DRC11: variants seen among roughly 807,000 people sequenced by gnomAD.
DRC11 encodes the protein dynein regulatory complex subunit 11.
the DRC11 span, among the ~76,000 whole-genome samples, chr2:236,375,317 G>A: frequency 6.6e-6 from 1 of 152,110 alleles, no homozygotes; most frequent in Non-Finnish European, 1.5e-5. This position sits in a 1 kb window ranked among gnomAD's most constrained non-coding sequence, Gnocchi z 4.2. Context: ...TAGTTGAGAA[G>A]TCAGTCCGCA....
At chr2:236,349,704 C>T in the DRC11 span, among the ~76,000 whole-genome samples, 1 of 152,198 alleles carries the variant, frequency 6.6e-6, no homozygotes, top group Admixed American at 6.5e-5. The surrounding 1 kb of genome is among the most constrained non-coding windows in gnomAD (Gnocchi z 5.5). Flanking sequence ...AAGGGAACAG[C>T]AGGCACTGGG....
At chr2:236,385,020 ATC>A in the DRC11 span, among the ~76,000 whole-genome samples, 624 of 152,078 alleles carry the variant, frequency 4.1e-3, 3 homozygotes, top group Non-Finnish European at 4.8e-3. Flanking sequence ...ATTGATCTAT[ATC>A]TCTGTTTTGG....
At chr2:236,448,438 C>T in the DRC11 span, among the ~76,000 whole-genome samples, 4 of 151,532 alleles carry the variant, frequency 2.6e-5, no homozygotes, top group Non-Finnish European at 4.4e-5. The surrounding 1 kb of genome is among the most constrained non-coding windows in gnomAD (Gnocchi z 5.3). Flanking sequence ...AGTGCAGAGG[C>T]GATTCTCCTG....
chr2:236,416,733 A>ATATATATATATATATTTT, the DRC11 span, among the ~76,000 whole-genome samples: 1 of 46,850 alleles, frequency 2.1e-5, no homozygotes, highest in Non-Finnish European at 4.3e-5. Flanking sequence ...ATATATATAT[A>ATATATATATATATATTTT]TATATATATA....
the DRC11 span, among the ~76,000 whole-genome samples, chr2:236,334,013 T>A: frequency 6.6e-6 from 1 of 152,148 alleles, no homozygotes; most frequent in African/African-American, 2.4e-5. The surrounding 1 kb of genome is among the most constrained non-coding windows in gnomAD (Gnocchi z 7.8). Context: ...TCGGTCAAGA[T>A]TCCTCTGAAT....
chr2:236,453,287 T>C, the DRC11 span, among the ~76,000 whole-genome samples: 4 of 152,296 alleles, frequency 2.6e-5, no homozygotes, highest in African/African-American at 9.6e-5. This position sits in a 1 kb window ranked among gnomAD's most constrained non-coding sequence, Gnocchi z 4.9. Flanking sequence ...CAAGAGTGAG[T>C]TGAAGAAAAG....
chr2:236,337,946 C>T, the DRC11 span, among the ~76,000 whole-genome samples: 27 of 152,320 alleles, frequency 1.8e-4, no homozygotes, highest in South Asian at 5.6e-3. The surrounding 1 kb of genome is among the most constrained non-coding windows in gnomAD (Gnocchi z 4.9). Context: ...TTGTCACTGT[C>T]AGGGCCAGAA....
At chr2:236,353,224 A>G in the DRC11 span, among the ~76,000 whole-genome samples, 3 of 152,220 alleles carry the variant, frequency 2.0e-5, no homozygotes, top group African/African-American at 2.4e-5. This position sits in a 1 kb window ranked among gnomAD's most constrained non-coding sequence, Gnocchi z 5.0. Flanking sequence ...CGGGTAGTTC[A>G]CGTCACCTGC....
the DRC11 span, among the ~76,000 whole-genome samples, chr2:236,396,302 C>CGG: frequency 0.034 from 2,073 of 60,202 alleles, 58 homozygotes; most frequent in African/African-American, 0.081. Context: ...GAAAGAGGGG[C>CGG]GGGGGGGGGT....
chr2:236,484,940 CT>C, the DRC11 span, among the ~76,000 whole-genome samples: 1 of 152,202 alleles, frequency 6.6e-6, no homozygotes, highest in Non-Finnish European at 1.5e-5. Context: ...GGGGCCCTCC[CT>C]TTATTCTTTA....
At chr2:236,458,196 T>A in the DRC11 span, among the ~76,000 whole-genome samples, 4 of 152,196 alleles carry the variant, frequency 2.6e-5, no homozygotes, top group African/African-American at 9.6e-5. Context: ...CATCAGTGTT[T>A]GCTTGATGAA....
the DRC11 span, among the ~76,000 whole-genome samples, chr2:236,359,144 G>A: frequency 6.6e-5 from 10 of 152,156 alleles, no homozygotes; most frequent in South Asian, 2.1e-4. This position sits in a 1 kb window ranked among gnomAD's most constrained non-coding sequence, Gnocchi z 4.3. Flanking sequence ...GATCTGGGTC[G>A]AGGGTCCTCT....
At chr2:236,416,268 G>A in the DRC11 span, among the ~76,000 whole-genome samples, 1 of 152,174 alleles carries the variant, frequency 6.6e-6, no homozygotes, top group Non-Finnish European at 1.5e-5. Context: ...AGGGGGCTGG[G>A]CTTTGGTACT....
At chr2:236,308,400 G>A in the DRC11 span, among the ~76,000 whole-genome samples, 3 of 152,242 alleles carry the variant, frequency 2.0e-5, no homozygotes, top group Admixed American at 6.5e-5. The surrounding 1 kb of genome is among the most constrained non-coding windows in gnomAD (Gnocchi z 6.0). Flanking sequence ...GTGTGTGTGA[G>A]CCTCCATGCA....
the DRC11 span, among the ~76,000 whole-genome samples, chr2:236,377,758 A>G: frequency 6.6e-6 from 1 of 152,340 alleles, no homozygotes; most frequent in South Asian, 2.1e-4. The surrounding 1 kb of genome is among the most constrained non-coding windows in gnomAD (Gnocchi z 4.9). Flanking sequence ...GTGTTTACAG[A>G]TGTCAAAACC....
chr2:236,334,719 A>G, the DRC11 span, among the ~76,000 whole-genome samples: 1 of 152,146 alleles, frequency 6.6e-6, no homozygotes, highest in Admixed American at 6.5e-5. The surrounding 1 kb of genome is among the most constrained non-coding windows in gnomAD (Gnocchi z 7.8). Flanking sequence ...GGAGTTTTCC[A>G]AAAGCCTGAG....
chr2:236,470,292 C>A, the DRC11 span, among the ~76,000 whole-genome samples: 34 of 152,160 alleles, frequency 2.2e-4, no homozygotes, highest in African/African-American at 7.0e-4. This position sits in a 1 kb window ranked among gnomAD's most constrained non-coding sequence, Gnocchi z 5.1. Flanking sequence ...CGCTGTCTTG[C>A]CGGAGTGTGC....
At chr2:236,379,898 G>A in the DRC11 span, among the ~76,000 whole-genome samples, 1 of 151,924 alleles carries the variant, frequency 6.6e-6, no homozygotes, top group Non-Finnish European at 1.5e-5. Flanking sequence ...CAAGGGAGAG[G>A]GGAGGGAACC....
the DRC11 span, among the ~76,000 whole-genome samples, chr2:236,384,347 G>C: frequency 1.3e-5 from 2 of 151,974 alleles, no homozygotes; most frequent in Admixed American, 1.3e-4. Flanking sequence ...ACTTTTTAAT[G>C]ATTGCCATTC....
Sources: allele counts gnomAD v4.1 joint callset (sites outside exome capture counted in the v4.1 genomes callset), GRCh38; gene constraint gnomAD v4.1.1; non-coding constraint Gnocchi (gnomAD v3.1); transcripts MANE v1.5; gene names NCBI Gene and HGNC (gene_info 2026-07-23, HGNC 2026-07-21).